The following AGBL1 variants were observed in gnomAD, a reference collection of about 807,000 sequenced individuals.
AGBL1 encodes cytosolic carboxypeptidase 4.
In AGBL1, 130 loss-of-function variants were observed where a neutral mutation model predicts 118.9. The observed-to-expected ratio is 1.09, with a 90% CI of 0.95 to 1.26. The LOEUF is 1.26. Among genes scored for constraint, AGBL1 ranks in the 50% most tolerant of loss-of-function variants. The probability of loss-of-function intolerance (pLI) is 0.00; values close to 1 mark genes in which losing one functional copy is unlikely to be tolerated. For missense variants in AGBL1, 1,584 were observed against 1,298.1 expected (o/e 1.22, Z -3.38); for synonymous variants, 555 against 478.9 (o/e 1.16, Z -2.08).
chr15:86,625,996 A>G (rs752223424), intron 21 of AGBL1, among the ~76,000 whole-genome samples: 4 of 152,204 alleles, frequency 2.6e-5, no homozygotes, highest in Non-Finnish European at 5.9e-5. Context: ...ATAGTAGAGT[A>G]TCAACAGGTA....
At chr15:86,986,190 C>T (rs2081280491) in intron 23 of AGBL1, among the ~76,000 whole-genome samples, 2 of 152,152 alleles carry the variant, frequency 1.3e-5, no homozygotes, top group Admixed American at 6.5e-5. Context: ...TCCCAAAGTG[C>T]TAGGATTACA....
intron 18 of AGBL1, among the ~76,000 whole-genome samples, chr15:86,510,690 G>T (rs1302690893): frequency 6.6e-6 from 1 of 152,072 alleles, no homozygotes; most frequent in Non-Finnish European, 1.5e-5. Flanking sequence ...ATCCAAAGCA[G>T]ACTACAGCAG....
At chr15:86,396,010 T>G (rs574508632) in intron 17 of AGBL1, among the ~76,000 whole-genome samples, 1 of 151,854 alleles carries the variant, frequency 6.6e-6, no homozygotes, top group Admixed American at 6.6e-5. Flanking sequence ...GTGTGTGTCT[T>G]ATTTCACTTA....
chr15:86,606,016 A>G (rs1360990076), intron 21 of AGBL1, among the ~76,000 whole-genome samples: 1 of 150,738 alleles, frequency 6.6e-6, no homozygotes, highest in Non-Finnish European at 1.5e-5. Context: ...AATCCCAGCT[A>G]CTAGAGAGGC....
At chr15:86,967,508 T>C (rs573413066) in intron 23 of AGBL1, among the ~76,000 whole-genome samples, 68 of 152,274 alleles carry the variant, frequency 4.5e-4, no homozygotes, top group African/African-American at 1.4e-3. Context: ...TTGTATAAGG[T>C]GTAAGGAAGG....
intron 3 of AGBL1, among the ~76,000 whole-genome samples, chr15:86,145,042 T>C (rs531844041): frequency 2.2e-4 from 33 of 152,298 alleles, no homozygotes; most frequent in Admixed American, 1.8e-3. Flanking sequence ...TTTCTTGGAC[T>C]ATAGATGCAT....
At chr15:86,762,660 G>A (rs1294746511) in intron 22 of AGBL1, among the ~76,000 whole-genome samples, 3 of 151,976 alleles carry the variant, frequency 2.0e-5, no homozygotes, top group Admixed American at 1.3e-4. Context: ...GGGGTCAGAA[G>A]GACTGTATCC....
intron 21 of AGBL1, among the ~76,000 whole-genome samples, chr15:86,640,772 T>C (rs2085177197): frequency 6.6e-6 from 1 of 152,148 alleles, no homozygotes; most frequent in Admixed American, 6.6e-5. Context: ...GTATGACCTT[T>C]TAAAATATAT....
chr15:86,367,759 C>T (rs2080912653), intron 17 of AGBL1, among the ~76,000 whole-genome samples: 1 of 152,030 alleles, frequency 6.6e-6, no homozygotes, highest in Non-Finnish European at 1.5e-5. Flanking sequence ...TCCTTGTCGT[C>T]CAAACAGATG....
chr15:86,496,297 A>G (rs779698199), intron 18 of AGBL1, among the ~76,000 whole-genome samples: 1 of 151,994 alleles, frequency 6.6e-6, no homozygotes, highest in Non-Finnish European at 1.5e-5. Context: ...CATGACTATA[A>G]GTTTCCTGAG....
At chr15:86,744,088 A>C (rs1468055875) in intron 22 of AGBL1, among the ~76,000 whole-genome samples, 1 of 152,120 alleles carries the variant, frequency 6.6e-6, no homozygotes, top group African/African-American at 2.4e-5. Context: ...GTTAGCTGAG[A>C]CCAGATTCTT....
chr15:86,261,826 G>A (rs1210243457), intron 9 of AGBL1, among the ~76,000 whole-genome samples: 1 of 152,040 alleles, frequency 6.6e-6, no homozygotes, highest in Non-Finnish European at 1.5e-5. Context: ...GGATTATTCA[G>A]TCCAATAAAT....
chr15:86,748,125 T>C (rs919910807), intron 22 of AGBL1, among the ~76,000 whole-genome samples: 7 of 152,164 alleles, frequency 4.6e-5, no homozygotes, highest in Admixed American at 3.9e-4. Flanking sequence ...TTTCTCCACA[T>C]CCTCTCCAGC....
At chr15:86,978,433 A>C (rs933066981) in intron 23 of AGBL1, among the ~76,000 whole-genome samples, 5 of 152,228 alleles carry the variant, frequency 3.3e-5, no homozygotes, top group Non-Finnish European at 7.3e-5. Flanking sequence ...GATTTAGACA[A>C]ATAGCTTCTG....
intron 18 of AGBL1, among the ~76,000 whole-genome samples, chr15:86,484,241 C>G (rs2082687327): frequency 6.6e-6 from 1 of 151,968 alleles, no homozygotes; most frequent in Non-Finnish European, 1.5e-5. Flanking sequence ...TTGGGAGAAA[C>G]CATGAGGGGA....
At position 86,616,339 on chromosome 15, in the gene AGBL1, C is replaced by CAAAAAAAAA. The variant is rs199936794; in HGVS notation, c.2995-57909_2995-57901dup. Among the ~76,000 whole-genome samples, 35 of 49,280 alleles carry CAAAAAAAAA rather than the reference C, an allele frequency of 7.1e-4. 1 individual carries two copies. The highest frequency in any genetic ancestry group is 2.3e-3 in the African/African-American group (33 of 14,054). 32.3% of individuals were successfully genotyped at this position (49,280 alleles called of 152,430 possible). On this transcript the variant is annotated intron_variant, in intron 21 of 22. Transcript: ENST00000614907. ...GTGACAGAGCAAGACTCCTCCACTT[C>CAAAAAAAAA]AAAAAAAAAAAAAAAAAAAAAAAAA... is the stretch of plus-strand genomic sequence containing the variant.
At chr15:86,487,307 C>T (rs2082726057) in intron 18 of AGBL1, among the ~76,000 whole-genome samples, 1 of 152,060 alleles carries the variant, frequency 6.6e-6, no homozygotes. Flanking sequence ...GCTTCATCCT[C>T]CAAGGGCAGC....
rs188833881 is a variant in AGBL1 at position 86,559,947 on chromosome 15, C to T, written c.2994+5410C>T. Among the ~76,000 whole-genome samples the T allele has an allele frequency of 2.3e-3, 354 of 152,166 alleles. 1 individual carries two copies. The highest frequency in any genetic ancestry group is 7.9e-3 in the African/African-American group (330 of 41,514). ...TGCAGCAACAGGTGAGCCACTTAAC[C>T]TCTCTGGGTCACAATTTTCTTATTT... On this transcript the variant is annotated intron_variant, in intron 21 of 22. Transcript: ENST00000614907.
At chr15:86,331,185 T>C (rs1361607765) in intron 17 of AGBL1, among the ~76,000 whole-genome samples, 7 of 147,168 alleles carry the variant, frequency 4.8e-5, no homozygotes, top group African/African-American at 1.5e-4. Context: ...GATCGTGCCA[T>C]TGTACTCCAG....
Sources: gnomAD v4.1 joint callset for allele counts (sites outside exome capture counted in the v4.1 genomes callset) on GRCh38, gnomAD v4.1.1 for gene constraint, MANE v1.5 for transcripts, NCBI Gene and HGNC (gene_info 2026-07-23, HGNC 2026-07-21) for gene names.